The following FGF12 variants were observed in gnomAD, a reference collection of about 807,000 sequenced individuals.
The protein encoded by FGF12 is fibroblast growth factor 12B.
A neutral mutation model predicts 23.6 loss-of-function variants in FGF12; 14 were observed. The ratio of observed to expected loss-of-function variants is 0.59; its 90% CI spans 0.39 to 0.93. The LOEUF is 0.93. FGF12 is among the 40% of genes least tolerant of loss of function. The pLI, the probability that FGF12 is intolerant of heterozygous loss-of-function variation, is 0.00. For missense variants in FGF12, 175 were observed against 217.8 expected (o/e 0.80, Z 1.24); for synonymous variants, 62 against 77.3 (o/e 0.80, Z 1.04).
At chr3:192,597,017 C>T (rs1161209957) in intron 2 of FGF12, among the ~76,000 whole-genome samples, 1 of 152,058 alleles carries the variant, frequency 6.6e-6, no homozygotes, top group Non-Finnish European at 1.5e-5. Context: ...ATGTTAAGTC[C>T]CTTGCCTGTA....
chr3:192,270,799 GGAAGGAAGGA>G (rs1713384610), intron 4 of FGF12, among the ~76,000 whole-genome samples: 1 of 67,618 alleles, frequency 1.5e-5, no homozygotes, highest in Non-Finnish European at 3.0e-5. Flanking sequence ...AAGGAAGGAA[GGAAGGAAGGA>G]AGGAAGGAAA....
chr3:192,329,206 T>C (rs1257823709), intron 4 of FGF12, among the ~76,000 whole-genome samples: 2 of 152,264 alleles, frequency 1.3e-5, no homozygotes, highest in East Asian at 3.9e-4. Flanking sequence ...AGTGCTCAGA[T>C]ATTACAGCAG....
At chr3:192,526,240 C>T (rs1310581466) in intron 2 of FGF12, among the ~76,000 whole-genome samples, 1 of 152,184 alleles carries the variant, frequency 6.6e-6, no homozygotes, top group Non-Finnish European at 1.5e-5. Flanking sequence ...AGGTGCCCTT[C>T]TTTGGAGCTT....
intron 2 of FGF12, among the ~76,000 whole-genome samples, chr3:192,429,542 T>C (rs1451962441): frequency 6.6e-6 from 1 of 152,184 alleles, no homozygotes; most frequent in Non-Finnish European, 1.5e-5. Flanking sequence ...GCTTTCTACA[T>C]GCATTACTCC....
intron 2 of FGF12, among the ~76,000 whole-genome samples, chr3:192,491,327 C>A (rs1429153195): frequency 6.6e-6 from 1 of 152,100 alleles, no homozygotes; most frequent in Non-Finnish European, 1.5e-5. Flanking sequence ...CCAGATAGAT[C>A]AGTAATCATC....
chr3:192,532,407 G>C lies in FGF12; in HGVS notation c.14-171869C>G, dbSNP rs550796675. Among the ~76,000 whole-genome samples, 54 of 152,108 alleles carry C rather than the reference G, an allele frequency of 3.6e-4. 1 individual carries two copies. Among genetic ancestry groups the C allele is most frequent in the African/African-American group, 1.2e-3 (51 of 41,500 alleles). On this transcript the variant is annotated intron_variant, in intron 2 of 5. Coordinates refer to ENST00000445105, the MANE Select transcript of FGF12 (RefSeq NM_004113.6). Reference sequence around the variant, plus strand: ...GCATGGGTTGTCTTTCCATTTCTTTGTGTCATCTATGATTTCTTTCAGCAT... The same window carrying C: ...GCATGGGTTGTCTTTCCATTTCTTTCTGTCATCTATGATTTCTTTCAGCAT...
chr3:192,434,531 G>A lies in FGF12; in HGVS notation c.14-73993C>T, dbSNP rs116660198. Among the ~76,000 whole-genome samples, 466 of 152,232 alleles carry A rather than the reference G, an allele frequency of 3.1e-3. 3 individuals carry two copies. Among genetic ancestry groups the A allele is most frequent in the African/African-American group, 0.011 (454 of 41,522 alleles). On this transcript the variant is annotated intron_variant, in intron 2 of 5. Transcript: ENST00000445105. ...TGTGTGCAGGCATATGTGTACATGT[G>A]CAGGTATACATGTATGTGTGTGTGT... is the stretch of plus-strand genomic sequence containing the variant.
intron 4 of FGF12, among the ~76,000 whole-genome samples, chr3:192,320,049 G>A (rs1030065009): frequency 5.3e-4 from 80 of 152,192 alleles, no homozygotes; most frequent in African/African-American, 1.6e-3. Context: ...ATCAAAAGAC[G>A]TAGAGTGCCT....
chr3:192,656,503 T>C (rs1183083066), intron 2 of FGF12, among the ~76,000 whole-genome samples: 2 of 152,140 alleles, frequency 1.3e-5, no homozygotes, highest in African/African-American at 2.4e-5. Context: ...CCCAGGGACA[T>C]TGAGCAATGC....
intron 4 of FGF12, among the ~76,000 whole-genome samples, chr3:192,304,763 T>A (rs1715529471): frequency 6.6e-6 from 1 of 152,184 alleles, no homozygotes; most frequent in Non-Finnish European, 1.5e-5. Flanking sequence ...GCTACAATTT[T>A]AAAATATCCT....
Position 192,408,507 on chromosome 3 carries a change from T to G in FGF12, c.14-47969A>C. The G allele has an allele frequency of 8.0e-7, 1 of 1,251,996 alleles. No individual in the cohort carries two copies. Among genetic ancestry groups the G allele is most frequent in the South Asian group, 2.3e-5 (1 of 42,912 alleles). 77.6% of individuals were successfully genotyped at this position (1,251,996 alleles called of 1,614,324 possible). A position where few individuals can be genotyped will look rare whatever the true frequency, so the allele number is the denominator to read the frequency against. On this transcript the variant is annotated intron_variant, in intron 2 of 5. Coordinates refer to ENST00000445105, the MANE Select transcript of FGF12 (RefSeq NM_004113.6). The surrounding 1 kb of genome is among the most constrained non-coding windows in gnomAD (Gnocchi z 7.3). ...CAGGCCCTCTTGCGAAGTAGACGTT[T>G]GCACCCCAAACTTGCACCCCAAGGC...
chr3:192,628,196 G>C (rs1173633458), intron 2 of FGF12, among the ~76,000 whole-genome samples: 1 of 151,928 alleles, frequency 6.6e-6, no homozygotes, highest in Non-Finnish European at 1.5e-5. Context: ...TCTTTTTATT[G>C]TTGAGTAGTA....
At chr3:192,317,828 T>C (rs375883065) in intron 4 of FGF12, among the ~76,000 whole-genome samples, 2 of 152,208 alleles carry the variant, frequency 1.3e-5, no homozygotes, top group South Asian at 4.1e-4. Context: ...CCAGTGGTGG[T>C]GGCCACAGGG....
intron 2 of FGF12, among the ~76,000 whole-genome samples, chr3:192,676,722 T>C (rs73887670): frequency 0.012 from 1,846 of 152,122 alleles, 47 homozygotes; most frequent in African/African-American, 0.042. Flanking sequence ...GATATTTACA[T>C]GCAAATATAC....
chr3:192,220,397 T>C (rs1440201891), intron 4 of FGF12, among the ~76,000 whole-genome samples: 28 of 152,168 alleles, frequency 1.8e-4, no homozygotes, highest in Non-Finnish European at 1.3e-4. Flanking sequence ...CTTTTAACTT[T>C]ATGTTTCAAC....
chr3:192,216,763 A>C (rs1036300115), intron 4 of FGF12, among the ~76,000 whole-genome samples: 1 of 152,208 alleles, frequency 6.6e-6, no homozygotes, highest in Non-Finnish European at 1.5e-5. Context: ...TACCATTTTC[A>C]GGTGAGAAAA....
In FGF12 at chr3:192,283,577, T is replaced by C. The variant is rs1056850567; in HGVS notation, c.228+51784A>G. ...ATTTGTGTACACATGTTATCACTCC[T>C]GGTTGGGAGAGAATATCATTTTACC... On this transcript the variant is annotated intron_variant, in intron 4 of 5. Transcript: ENST00000445105. Among the ~76,000 whole-genome samples, 5 of 152,138 alleles carry C rather than the reference T, an allele frequency of 3.3e-5. No homozygotes were observed. The East Asian group carries it at 7.7e-4, about 23-fold the overall frequency.
intron 4 of FGF12, among the ~76,000 whole-genome samples, chr3:192,213,689 C>T (rs964099772): frequency 6.6e-6 from 1 of 152,190 alleles, no homozygotes; most frequent in South Asian, 2.1e-4. Flanking sequence ...AGGAGTTTAT[C>T]CTCCAGAGAG....
chr3:192,441,168 A>G (rs1178605448), intron 2 of FGF12, among the ~76,000 whole-genome samples: 1 of 152,208 alleles, frequency 6.6e-6, no homozygotes. Context: ...TTGGGCTTCA[A>G]CTGCCTCCAT....
Sources: gnomAD v4.1 joint callset for allele counts (sites outside exome capture counted in the v4.1 genomes callset) on GRCh38, gnomAD v4.1.1 for gene constraint, Gnocchi (gnomAD v3.1) non-coding constraint, MANE v1.5 for transcripts, NCBI Gene and HGNC (gene_info 2026-07-23, HGNC 2026-07-21) for gene names.